Variants in UTP20 observed in about 807,000 individuals in gnomAD.
The protein encoded by UTP20 is UTP20 small subunit processome component.
Under a neutral mutation model 329.5 loss-of-function variants are expected in UTP20, and 164 were observed. The ratio of observed to expected loss-of-function variants is 0.50; its 90% CI spans 0.44 to 0.57. The LOEUF (loss-of-function observed/expected upper bound fraction) is 0.57. Ranked by LOEUF, UTP20 falls within the 20% of genes least tolerant of loss-of-function variation. The pLI, the probability that UTP20 is intolerant of heterozygous loss-of-function variation, is 0.00. For synonymous variants in UTP20, 1,151 were observed against 1,159.3 expected (o/e 0.99, Z 0.14); for missense variants, 3,055 against 3,284.2 (o/e 0.93, Z 1.71).
intron 6 of UTP20, 30 bp from the exon 7 acceptor site, chr12:101,290,107 A>G: frequency 6.8e-7 from 1 of 1,461,828 alleles, no homozygotes; most frequent in Non-Finnish European, 9.4e-7. Context: ...GTTTGTGAAT[A>G]TAATTTTCCA....
At position 101,333,305 on chromosome 12, in the gene UTP20, A is replaced by T; in HGVS notation, c.3422A>T (p.Gln1141Leu). 1 of 1,613,092 alleles carries T rather than the reference A, an allele frequency of 6.2e-7. No homozygotes were observed. The highest frequency in any genetic ancestry group is 8.5e-7 in the Non-Finnish European group (1 of 1,179,642). Residue 1141 changes from glutamine to leucine, a missense_variant, in exon 28 of 62, where the codon CAG (glutamine) becomes CTG (leucine). Transcript: ENST00000261637. ...CAGAAGATCTTTGTTTTACAGATAC[A>T]GCTGAGATTTATTAATCCATTGAAA... Reference protein sequence around the residue: ...SHILDQREKIQLRFINPLKNL... With the variant: ...SHILDQREKILLRFINPLKNL...
In UTP20 at chr12:101,333,290, T is replaced by G; in HGVS notation, c.3418-11T>G. The stretch of plus-strand genomic sequence containing the variant: ...TATGTATTTTTTGAACAGAAGATCT[T>G]TGTTTTACAGATACAGCTGAGATTT... On this transcript the variant is annotated splice_polypyrimidine_tract_variant and intron_variant, in intron 27 of 61. Coordinates refer to ENST00000261637, the MANE Select transcript of UTP20 (RefSeq NM_014503.3). The G allele has an allele frequency of 1.2e-6, 2 of 1,611,208 alleles. No homozygotes were observed. The highest frequency in any genetic ancestry group is 1.7e-6 in the Non-Finnish European group (2 of 1,179,014).
intron 19 of UTP20, among the ~76,000 whole-genome samples, chr12:101,311,054 G>T (rs935413392): frequency 6.6e-6 from 1 of 152,144 alleles, no homozygotes; most frequent in Non-Finnish European, 1.5e-5. Context: ...CTTCCTGTTG[G>T]GTACCTCTTT....
In UTP20 at chr12:101,321,454, A is replaced by C. The variant is rs765578850; in HGVS notation, c.2916-50A>C. On this transcript the variant is annotated intron_variant, in intron 24 of 61. Coordinates refer to ENST00000261637, the MANE Select transcript of UTP20 (RefSeq NM_014503.3). ...TACATATTTCACTCTTTCATTATTC[A>C]AAAGCACTGTTGATAAAGTGGTGAT... 3.1e-6 allele frequency: 5 copies of C among 1,604,322 alleles called. No homozygotes were observed. In the South Asian group the frequency reaches 5.5e-5, roughly 18 times the overall value.
intron 17 of UTP20, among the ~76,000 whole-genome samples, chr12:101,307,222 C>G (rs1214083936): frequency 6.8e-6 from 1 of 147,474 alleles, no homozygotes; most frequent in Non-Finnish European, 1.5e-5. Context: ...GTAACTCTTA[C>G]TCCTGTCTAC....
chr12:101,327,567 A>G (rs2137265372), intron 26 of UTP20, among the ~76,000 whole-genome samples: 1 of 152,356 alleles, frequency 6.6e-6, no homozygotes, highest in East Asian at 1.9e-4. Context: ...CTTCTAAGAA[A>G]TTCAAAGCAC....
intron 5 of UTP20, among the ~76,000 whole-genome samples, chr12:101,287,720 G>A (rs1387627007): frequency 6.6e-6 from 1 of 152,202 alleles, no homozygotes; most frequent in African/African-American, 2.4e-5. Flanking sequence ...CTTCAGAGGT[G>A]TCCACATCCT....
At chr12:101,367,722 A>G (rs779053635) in intron 47 of UTP20, 138 bp from the exon 48 acceptor site, 11 of 637,302 alleles carry the variant, frequency 1.7e-5, no homozygotes, top group East Asian at 1.1e-4. Flanking sequence ...GCAGTTTGTC[A>G]TTCCTTAAAA....
At chr12:101,295,070 A>G (rs750066341) in intron 11 of UTP20, among the ~76,000 whole-genome samples, 12 of 152,078 alleles carry the variant, frequency 7.9e-5, no homozygotes, top group Non-Finnish European at 1.5e-4. Context: ...CCAGTGCACA[A>G]ATGTTGTACT....
intron 21 of UTP20, 31 bp from the exon 22 acceptor site, chr12:101,317,447 T>C: frequency 6.2e-7 from 1 of 1,609,228 alleles, no homozygotes; most frequent in Non-Finnish European, 8.5e-7. Flanking sequence ...GCGTTCTTCA[T>C]CAGTATCCTG....
chr12:101,382,042 A>G (rs1399656798), intron 58 of UTP20, among the ~76,000 whole-genome samples: 2 of 146,182 alleles, frequency 1.4e-5, no homozygotes, highest in Admixed American at 6.9e-5. Flanking sequence ...AAAAAGAGAG[A>G]GAAATAGTTA....
intron 43 of UTP20, among the ~76,000 whole-genome samples, chr12:101,358,559 G>A (rs908670005): frequency 3.9e-5 from 6 of 152,178 alleles, no homozygotes; most frequent in African/African-American, 1.4e-4. Context: ...AGCAGGCATG[G>A]TGGGAACAGA....
intron 6 of UTP20, 118 bp downstream of exon 6, chr12:101,289,159 C>T: frequency 2.4e-6 from 2 of 843,076 alleles, no homozygotes; most frequent in Non-Finnish European, 3.6e-6. Flanking sequence ...GGTGGATCAC[C>T]TGAGGTCAGG....
At chr12:101,281,539 A>T (rs1163157769) in intron 2 of UTP20, among the ~76,000 whole-genome samples, 3 of 152,156 alleles carry the variant, frequency 2.0e-5, no homozygotes, top group Admixed American at 2.0e-4. Flanking sequence ...CATTCCAAGC[A>T]CTGCTGCAGA....
intron 38 of UTP20, 69 bp from the exon 39 acceptor site, chr12:101,351,986 T>A (rs1869543559): frequency 9.6e-6 from 15 of 1,561,998 alleles, no homozygotes; most frequent in Non-Finnish European, 1.2e-5. Context: ...TTTTTCAATA[T>A]ACTGAGTTAG....
intron 56 of UTP20, among the ~76,000 whole-genome samples, chr12:101,376,100 G>T (rs990534814): frequency 6.6e-6 from 1 of 152,068 alleles, no homozygotes; most frequent in African/African-American, 2.4e-5. Context: ...GTATTGTTTT[G>T]ATGTATGTAC....
At chr12:101,307,597 G>C (rs1046832323) in intron 17 of UTP20, among the ~76,000 whole-genome samples, 1 of 152,092 alleles carries the variant, frequency 6.6e-6, no homozygotes, top group African/African-American at 2.4e-5. Flanking sequence ...GGCTGGTCTC[G>C]AACTCCAGAC....
chr12:101,379,035 A>G lies in UTP20; in HGVS notation c.7397-336A>G, dbSNP rs1026236869. Among the ~76,000 whole-genome samples the G allele has an allele frequency of 4.6e-5, 7 of 152,218 alleles. No individual in the cohort carries two copies. The East Asian group carries it at 1.2e-3, about 25-fold the overall frequency. ...GTCCAATGATCCAATTGGGGTAATG[A>G]GAATATCCTTCCCCTTGAACATTTA... On this transcript the variant is annotated intron_variant, in intron 56 of 61. Coordinates refer to ENST00000261637, the MANE Select transcript of UTP20 (RefSeq NM_014503.3).
intron 21 of UTP20, among the ~76,000 whole-genome samples, chr12:101,312,872 CA>C (rs1872840045): frequency 6.6e-6 from 1 of 152,202 alleles, no homozygotes; most frequent in Non-Finnish European, 1.5e-5. Context: ...ATTTAACCAG[CA>C]CACCAGTGGT....
Sources: allele counts gnomAD v4.1 joint callset (sites outside exome capture counted in the v4.1 genomes callset), GRCh38; gene constraint gnomAD v4.1.1; transcripts MANE v1.5; gene names NCBI Gene and HGNC (gene_info 2026-07-23, HGNC 2026-07-21).